PHACTR1: variants seen among roughly 807,000 people sequenced by gnomAD.
PHACTR1 encodes RPEL repeat containing 1.
In PHACTR1, 16 loss-of-function variants were observed where a neutral mutation model predicts 69.2. The observed-to-expected ratio is 0.23, with a 90% confidence interval of 0.16 to 0.35. The LOEUF (loss-of-function observed/expected upper bound fraction) is 0.35, where lower values mean the gene tolerates loss of function less well. PHACTR1 is among the 10% of genes least tolerant of loss of function. PHACTR1 has a pLI of 1.00. For synonymous variants in PHACTR1, 312 were observed against 284.5 expected, an observed-to-expected ratio of 1.10 and a Z score of -0.97; for missense variants, 510 against 734.7, an observed-to-expected ratio of 0.69 and a Z score of 3.54.
intron 13 of PHACTR1, among the ~76,000 whole-genome samples, chr6:13,284,647 T>G (rs756317660): frequency 6.8e-6 from 1 of 146,114 alleles, no homozygotes; most frequent in Non-Finnish European, 1.5e-5. Flanking sequence ...AACTATGGAG[T>G]GTGTCAGGGG....
At chr6:12,890,710 A>C (rs1005372507) in intron 4 of PHACTR1, among the ~76,000 whole-genome samples, 1 of 151,956 alleles carries the variant, frequency 6.6e-6, no homozygotes, top group Non-Finnish European at 1.5e-5. Context: ...GTTTACTCAG[A>C]TCTCCCCTTC....
chr6:13,244,091 A>T (rs991063341), intron 10 of PHACTR1, among the ~76,000 whole-genome samples: 5 of 152,114 alleles, frequency 3.3e-5, no homozygotes, highest in Non-Finnish European at 7.4e-5. Context: ...AAATAAAGGG[A>T]CAGAGTACAA....
intron 4 of PHACTR1, among the ~76,000 whole-genome samples, chr6:13,005,310 C>T (rs193292351): frequency 6.6e-6 from 1 of 151,630 alleles, no homozygotes; most frequent in African/African-American, 2.4e-5. Context: ...TCTATACATA[C>T]AGTATATATG....
At chr6:13,154,733 A>T (rs1036492467) in intron 5 of PHACTR1, among the ~76,000 whole-genome samples, 1 of 149,960 alleles carries the variant, frequency 6.7e-6, no homozygotes, top group Non-Finnish European at 1.5e-5. Flanking sequence ...GATTTATCTT[A>T]TCCCTGCCAT....
At chr6:13,016,536 T>C (rs557459585) in intron 4 of PHACTR1, among the ~76,000 whole-genome samples, 29 of 152,336 alleles carry the variant, frequency 1.9e-4, no homozygotes, top group Non-Finnish European at 3.7e-4. Context: ...AAAGACAATC[T>C]ATAAAGAATA....
chr6:13,241,592 T>C (rs1002291925), intron 10 of PHACTR1, among the ~76,000 whole-genome samples: 2 of 152,168 alleles, frequency 1.3e-5, no homozygotes, highest in Non-Finnish European at 2.9e-5. Context: ...AGTTTCCACA[T>C]CTGTAAAACG....
chr6:13,280,693 T>C, intron 12 of PHACTR1: 2 of 327,666 alleles, frequency 6.1e-6, no homozygotes, highest in South Asian at 4.8e-5. Context: ...CTGAGACTAA[T>C]ATAAAAATTA....
chr6:13,057,661 G>A (rs1285584397), intron 5 of PHACTR1, among the ~76,000 whole-genome samples: 1 of 152,160 alleles, frequency 6.6e-6, no homozygotes, highest in African/African-American at 2.4e-5. Context: ...AGTAGATAGT[G>A]TACCTTATAC....
At chr6:12,893,804 C>T (rs1784382878) in intron 4 of PHACTR1, among the ~76,000 whole-genome samples, 1 of 152,206 alleles carries the variant, frequency 6.6e-6, no homozygotes, top group South Asian at 2.1e-4. Flanking sequence ...AAGTCTAAAG[C>T]CTTTTGCTAA....
intron 5 of PHACTR1, among the ~76,000 whole-genome samples, chr6:13,104,940 G>A (rs750216155): frequency 6.6e-6 from 1 of 152,278 alleles, no homozygotes; most frequent in Admixed American, 6.5e-5. Context: ...ATTTTGGAGA[G>A]CATTTGAACT....
At chr6:13,042,307 C>T (rs1377305083) in intron 4 of PHACTR1, among the ~76,000 whole-genome samples, 1 of 152,134 alleles carries the variant, frequency 6.6e-6, no homozygotes, top group Non-Finnish European at 1.5e-5. Flanking sequence ...AGTGATTTCA[C>T]GTTTTAGGGA....
chr6:12,916,141 A>G (rs574585572), intron 4 of PHACTR1, among the ~76,000 whole-genome samples: 1 of 152,294 alleles, frequency 6.6e-6, no homozygotes, highest in East Asian at 1.9e-4. Flanking sequence ...AAACTAGTTT[A>G]TTAACTTAAA....
chr6:13,146,906 A>C (rs1823439226), intron 5 of PHACTR1, among the ~76,000 whole-genome samples: 1 of 152,208 alleles, frequency 6.6e-6, no homozygotes, highest in Admixed American at 6.5e-5. Context: ...ATCTGAGCAC[A>C]ATCACAAAAA....
At chr6:12,877,178 A>C (rs76569024) in intron 4 of PHACTR1, among the ~76,000 whole-genome samples, 3,507 of 152,302 alleles carry the variant, frequency 0.023, 117 homozygotes, top group African/African-American at 0.069. Context: ...TTGACACGAC[A>C]CATAGAATTA....
intron 9 of PHACTR1, 118 bp from the exon 10 acceptor site, chr6:13,229,919 T>G: frequency 8.4e-7 from 1 of 1,185,352 alleles, no homozygotes; most frequent in Non-Finnish European, 1.2e-6. Context: ...TTAACCACTT[T>G]CAGGTGTTAA....
At position 13,273,045 on chromosome 6, in the gene PHACTR1, T is replaced by C. The variant is rs1024339712; in HGVS notation, c.1447+130T>C. 42 of 1,336,234 alleles carry C rather than the reference T, an allele frequency of 3.1e-5. No homozygotes were observed. In the African/African-American group the frequency reaches 5.9e-4, roughly 19 times the overall value. 82.8% of individuals were successfully genotyped at this position (1,336,234 alleles called of 1,614,324 possible). ...TGAAAACCTTTCTAACGGTTGAAGC[T>C]TCATGTGTGCATGTTAGAACACCAA... On this transcript the variant is annotated intron_variant, in intron 11 of 14. Transcript: ENST00000332995.
intron 4 of PHACTR1, among the ~76,000 whole-genome samples, chr6:13,051,953 G>C (rs7750099): frequency 0.29 from 43,635 of 152,014 alleles, 7,106 homozygotes; most frequent in African/African-American, 0.44. Flanking sequence ...TAAGTGCCCT[G>C]TTCATTGCAG....
intron 8 of PHACTR1, among the ~76,000 whole-genome samples, chr6:13,207,793 G>A (rs1218904595): frequency 2.0e-5 from 3 of 152,112 alleles, no homozygotes; most frequent in South Asian, 2.1e-4. Context: ...TGGTCATTGG[G>A]TCCTACAGAT....
chr6:12,826,835 G>T (rs1776852922), intron 4 of PHACTR1, among the ~76,000 whole-genome samples: 1 of 152,152 alleles, frequency 6.6e-6, no homozygotes, highest in East Asian at 1.9e-4. Flanking sequence ...CTCATTATGG[G>T]CATGCTTTGT....
Sources: gnomAD v4.1 joint callset for allele counts (sites outside exome capture counted in the v4.1 genomes callset) on GRCh38, gnomAD v4.1.1 for gene constraint, MANE v1.5 for transcripts, NCBI Gene and HGNC (gene_info 2026-07-23, HGNC 2026-07-21) for gene names.